CYB5R3: variants seen among roughly 807,000 people sequenced by gnomAD.
CYB5R3 encodes the protein NADH-cytochrome b5 reductase 3.
Under a neutral mutation model 36.5 loss-of-function variants are expected in CYB5R3, and 28 were observed. The observed-to-expected ratio is 0.77, with a 90% CI of 0.57 to 1.05. CYB5R3 has a LOEUF of 1.05. Among genes scored for constraint, CYB5R3 ranks in the 50% least tolerant of loss-of-function variants. CYB5R3 has a pLI of 0.00. For synonymous variants in CYB5R3, 181 were observed against 159.8 expected (o/e 1.13, Z -1.00); for missense variants, 474 against 408.9 (o/e 1.16, Z -1.37).
At chr22:42,640,513 G>C (rs1444672614) in intron 1 of CYB5R3, 2 of 214,392 alleles carry the variant, frequency 9.3e-6, no homozygotes. Flanking sequence ...CGAGTAGCTG[G>C]GATTACAGGT....
intron 1 of CYB5R3, chr22:42,639,707 G>A: frequency 2.3e-6 from 1 of 428,446 alleles, no homozygotes; most frequent in South Asian, 3.1e-5. Context: ...ATTATTCTGT[G>A]GTTACGCAAA....
At chr22:42,649,012 AG>A (rs2146918393) in intron 1 of CYB5R3, among the ~76,000 whole-genome samples, 1 of 152,290 alleles carries the variant, frequency 6.6e-6, no homozygotes. Context: ...CACGGCGGCC[AG>A]GGCAGGGCCC....
At chr22:42,643,214 G>A (rs1323442873) in intron 1 of CYB5R3, among the ~76,000 whole-genome samples, 2 of 152,202 alleles carry the variant, frequency 1.3e-5, no homozygotes, top group African/African-American at 2.4e-5. Context: ...GGAGCCACGT[G>A]TCCTGTCTGT....
At chr22:42,624,920 TC>T (rs993168450) in intron 7 of CYB5R3, among the ~76,000 whole-genome samples, 3 of 152,164 alleles carry the variant, frequency 2.0e-5, no homozygotes, top group African/African-American at 7.2e-5. Flanking sequence ...AATCACCAGC[TC>T]CTTGGTGCTC....
intron 1 of CYB5R3, chr22:42,640,097 C>T (rs761654392): frequency 1.2e-6 from 2 of 1,613,872 alleles, no homozygotes; most frequent in Admixed American, 1.7e-5. Flanking sequence ...CCAGTCTGAG[C>T]ACTACTGACT....
At chr22:42,624,064 A>AG (rs1480443510) in intron 7 of CYB5R3, among the ~76,000 whole-genome samples, 176 bp from the exon 8 acceptor site, 2 of 152,230 alleles carry the variant, frequency 1.3e-5, no homozygotes, top group Non-Finnish European at 2.9e-5. Context: ...GTCTAGCCTA[A>AG]GGAGCCCCTC....
At chr22:42,635,632 CA>C (rs1298795623) in intron 2 of CYB5R3, among the ~76,000 whole-genome samples, 1 of 152,216 alleles carries the variant, frequency 6.6e-6, no homozygotes, top group Non-Finnish European at 1.5e-5. Flanking sequence ...CTTGCCCCAA[CA>C]GTTACAGGAA....
In CYB5R3 at chr22:42,623,063, G is replaced by A. The variant is rs899736104; in HGVS notation, c.733+726C>T. On this transcript the variant is annotated intron_variant, in intron 8 of 8. Coordinates refer to ENST00000352397, the MANE Select transcript of CYB5R3 (RefSeq NM_000398.7). ...TGCGCTCCAATTTACCGCAGTTGCC[G>A]CCACTCCCTAGTCTCTCAGCCCTGA... 6.0e-5 allele frequency among the ~76,000 whole-genome samples: 6 copies of A among 99,432 alleles called. No homozygotes were observed. The South Asian group carries it at 9.7e-4, about 16-fold the overall frequency. The allele number at this position is 99,432 out of a possible 152,430, so 65.2% of individuals were successfully genotyped here.
chr22:42,627,795 G>A, intron 5 of CYB5R3, 107 bp from the exon 6 acceptor site: 5 of 861,212 alleles, frequency 5.8e-6, no homozygotes, highest in Non-Finnish European at 9.8e-6. Context: ...GAGGTCCGAG[G>A]TAGAGGCAGC....
chr22:42,633,978 C>A (rs947673779), intron 2 of CYB5R3, among the ~76,000 whole-genome samples: 1 of 152,044 alleles, frequency 6.6e-6, no homozygotes, highest in African/African-American at 2.4e-5. Flanking sequence ...AGGGAAAATA[C>A]CGTTAAAAAA....
Position 42,619,845 on chromosome 22 carries a change from G to A in CYB5R3, c.834C>T (p.Pro278=), listed in dbSNP as rs767766639. The part of the protein sequence containing the change: ...EPLVLMCGPP[P]MIQYACLPNL... ...TGGGAAGGCAGGCGTACTGGATCAT[G>A]GGTGGGGGGCCACACATCAGCACCA... Residue 278 remains proline, a synonymous_variant, in exon 9 of 9, where the codon CCC becomes CCT. Coordinates refer to ENST00000352397, the MANE Select transcript of CYB5R3 (RefSeq NM_000398.7). 1.1e-5 allele frequency: 18 copies of A among 1,605,188 alleles called. No individual in the cohort carries two copies. The highest frequency in any genetic ancestry group is 1.3e-5 in the Non-Finnish European group (15 of 1,176,930).
chr22:42,647,090 GC>G, intron 1 of CYB5R3: 1 of 536,764 alleles, frequency 1.9e-6, no homozygotes, highest in Non-Finnish European at 2.4e-6. Context: ...AGAGCACCAG[GC>G]CCCCAGCCAG....
At chr22:42,640,291 G>C in intron 1 of CYB5R3, 1 of 1,543,848 alleles carries the variant, frequency 6.5e-7, no homozygotes, top group Non-Finnish European at 8.7e-7. Context: ...GGGATGGAAA[G>C]TCCATCATCC....
chr22:42,624,358 G>T (rs571579389), intron 7 of CYB5R3, among the ~76,000 whole-genome samples: 16 of 152,248 alleles, frequency 1.1e-4, no homozygotes, highest in Non-Finnish European at 1.8e-4. Context: ...TGCGTTCTGG[G>T]ATCTCATTCA....
chr22:42,649,165 G>A (rs969370497), intron 1 of CYB5R3, 130 bp downstream of exon 1: 11 of 274,454 alleles, frequency 4.0e-5, no homozygotes, highest in African/African-American at 1.6e-4. Context: ...GGCGGGCTGG[G>A]CGGGCGAAGT....
At chr22:42,638,270 CCTGTAA>C (rs1210733953) in intron 1 of CYB5R3, among the ~76,000 whole-genome samples, 2 of 151,520 alleles carry the variant, frequency 1.3e-5, no homozygotes, top group African/African-American at 4.9e-5. Context: ...GTGGCAGGTG[CCTGTAA>C]TCCCAGCTAC....
intron 1 of CYB5R3, among the ~76,000 whole-genome samples, chr22:42,645,649 T>C (rs1929504202): frequency 6.6e-6 from 1 of 152,142 alleles, no homozygotes; most frequent in Admixed American, 6.5e-5. Flanking sequence ...GCGGGCAGCC[T>C]CTGCTCACGC....
chr22:42,644,744 G>GT (rs1393832894), intron 1 of CYB5R3: 2 of 727,864 alleles, frequency 2.7e-6, no homozygotes, highest in Middle Eastern at 6.9e-4. Flanking sequence ...AATCACCATT[G>GT]TTGGGGGCCC....
At position 42,623,416 on chromosome 22, in the gene CYB5R3, TGA is replaced by T. The variant is rs200598401; in HGVS notation, c.733+371_733+372del. On this transcript the variant is annotated intron_variant, in intron 8 of 8. Coordinates refer to ENST00000352397, the MANE Select transcript of CYB5R3 (RefSeq NM_000398.7). ...GGCCTTGGTGTAACTCGGCAGCACC[TGA>T]GAGTATGCACGCTGGGATGTGGAAG... Among the ~76,000 whole-genome samples, 945 of 152,294 alleles carry T rather than the reference TGA, an allele frequency of 6.2e-3. 6 individuals carry two copies. The highest frequency in any genetic ancestry group is 0.022 in the African/African-American group (916 of 41,564).
Sources: allele counts gnomAD v4.1 joint callset (sites outside exome capture counted in the v4.1 genomes callset), GRCh38; gene constraint gnomAD v4.1.1; transcripts MANE v1.5; gene names NCBI Gene and HGNC (gene_info 2026-07-23, HGNC 2026-07-21).